Variants in SLC26A8 observed in about 807,000 individuals in gnomAD.
SLC26A8 encodes the protein testis anion transporter 1.
In SLC26A8, 70 loss-of-function variants were observed where a neutral mutation model predicts 105.0. That is an observed-to-expected ratio of 0.67 (90% confidence interval 0.55 to 0.81). SLC26A8 has a LOEUF of 0.81. Ranked by LOEUF, SLC26A8 falls within the 40% of genes least tolerant of loss-of-function variation. SLC26A8 has a pLI of 0.00. For missense variants in SLC26A8, 998 were observed against 1,181.8 expected (o/e 0.84, Z 2.28); for synonymous variants, 415 against 438.3 (o/e 0.95, Z 0.66).
intron 10 of SLC26A8, among the ~76,000 whole-genome samples, chr6:35,973,674 C>A (rs148708644): frequency 3.3e-5 from 5 of 152,258 alleles, no homozygotes; most frequent in African/African-American, 1.2e-4. Flanking sequence ...CTGCTCTATA[C>A]CCAGGCTCTC....
intron 3 of SLC26A8, among the ~76,000 whole-genome samples, chr6:36,007,292 A>T (rs1294958972): frequency 6.6e-6 from 1 of 152,198 alleles, no homozygotes; most frequent in East Asian, 1.9e-4. Context: ...TACAAGAAAA[A>T]CACACAAATA....
At position 35,962,619 on chromosome 6, in the gene SLC26A8, A is replaced by G. The variant is rs940947255; in HGVS notation, c.1368T>C (p.Ala456=). The change falls in exon 12 of 20, where the codon GCT becomes GCC. Residue 456 remains alanine, a splice_region_variant and synonymous_variant. Transcript: ENST00000490799. ...TGCTCAGAATAATACCAGCCAGCAC[A>G]GCCTGTGGGGAAAAGATAAATCATG... is the stretch of plus-strand genomic sequence containing the variant. ...MGHFFYTLPN[A]VLAGIILSNV... 1 of 1,614,054 alleles carries G rather than the reference A, an allele frequency of 6.2e-7. No homozygotes were observed. The highest frequency in any genetic ancestry group is 8.5e-7 in the Non-Finnish European group (1 of 1,179,944).
rs12662766 is a variant in SLC26A8 at position 35,965,516 on chromosome 6, C to T, written c.1366-2895G>A. ...CCAACATGGAGAAACCCCGTCTCTACTAAAAATACAAAAAAGTTAGCCGGG... is the reference window on the plus strand; with the variant it reads ...CCAACATGGAGAAACCCCGTCTCTATTAAAAATACAAAAAAGTTAGCCGGG... On this transcript the variant is annotated intron_variant, in intron 11 of 19. Coordinates refer to ENST00000490799, the MANE Select transcript of SLC26A8 (RefSeq NM_052961.4). Among the ~76,000 whole-genome samples, 470 of 151,646 alleles carry T rather than the reference C, an allele frequency of 3.1e-3. 2 individuals are homozygous for T. The highest frequency in any genetic ancestry group is 0.02 in the Middle Eastern group (6 of 294).
intron 8 of SLC26A8, among the ~76,000 whole-genome samples, chr6:35,978,320 A>G (rs1773126144): frequency 1.3e-5 from 2 of 152,058 alleles, no homozygotes; most frequent in African/African-American, 4.8e-5. Context: ...ATATCAACAG[A>G]CTATAGAAGG....
chr6:35,989,935 T>TCC (rs1773693945), intron 7 of SLC26A8: 1 of 108,276 alleles, frequency 9.2e-6, no homozygotes, highest in Non-Finnish European at 1.8e-5. Context: ...TTCTTTTTTT[T>TCC]TTTTTTTTTT....
chr6:35,959,500 C>G lies in SLC26A8; in HGVS notation c.1823G>C (p.Arg608Thr). The change falls in exon 16 of 20, where the codon AGG becomes ACG. Residue 608 changes from arginine (R) to threonine (T), a missense_variant. Coordinates refer to ENST00000490799, the MANE Select transcript of SLC26A8 (RefSeq NM_052961.4). ...CAGATCATCACAGTTGCAGAAACAC[C>G]TGCAAATCTTTCCTCCTTGTAGATT... ...DTNLQGGKIC[R>T]CFCNCDDLEP... 1 of 1,613,826 alleles carries G rather than the reference C, an allele frequency of 6.2e-7. No individual in the cohort carries two copies. Among genetic ancestry groups the G allele is most frequent in the African/African-American group, 1.3e-5 (1 of 75,012 alleles).
At chr6:35,972,711 G>A (rs1411500553) in intron 10 of SLC26A8, among the ~76,000 whole-genome samples, 1 of 152,218 alleles carries the variant, frequency 6.6e-6, no homozygotes, top group African/African-American at 2.4e-5. Flanking sequence ...AGATGAACAA[G>A]GTGGCAGCGG....
At chr6:36,024,428 C>T (rs1054285703) in intron 1 of SLC26A8, 76 bp downstream of exon 1, 4 of 450,536 alleles carry the variant, frequency 8.9e-6, no homozygotes, top group Non-Finnish European at 1.8e-5. Context: ...ACCTGGGTAC[C>T]TGCCGGTGAC....
chr6:35,958,085 T>C (rs1772157810), intron 16 of SLC26A8, among the ~76,000 whole-genome samples: 1 of 152,344 alleles, frequency 6.6e-6, no homozygotes, highest in South Asian at 2.1e-4. Context: ...AATCCTCTTT[T>C]TTCCTACCCA....
At chr6:35,977,630 C>T (rs1019485296) in intron 8 of SLC26A8, among the ~76,000 whole-genome samples, 10 of 151,856 alleles carry the variant, frequency 6.6e-5, no homozygotes, top group Admixed American at 1.3e-4. Flanking sequence ...TAACGATTCA[C>T]GAAAAATGGT....
chr6:35,958,793 G>A (rs1772196399), intron 16 of SLC26A8, among the ~76,000 whole-genome samples: 2 of 152,136 alleles, frequency 1.3e-5, no homozygotes, highest in African/African-American at 4.8e-5. Flanking sequence ...GAGTGCTGTA[G>A]ACTAGGTGAT....
chr6:36,018,471 A>G (rs1471896786), intron 2 of SLC26A8, among the ~76,000 whole-genome samples: 1 of 152,200 alleles, frequency 6.6e-6, no homozygotes, highest in Non-Finnish European at 1.5e-5. Context: ...GCAAATTCAT[A>G]GAGACAGAAA....
intron 19 of SLC26A8, among the ~76,000 whole-genome samples, 196 bp from the exon 20 acceptor site, chr6:35,944,536 TATAATA>T (rs938820481): frequency 6.8e-6 from 1 of 147,756 alleles, no homozygotes; most frequent in Non-Finnish European, 1.5e-5. Flanking sequence ...ATAATTATTA[TATAATA>T]ATAATAATTA....
At chr6:35,985,284 G>C (rs1773452000) in intron 7 of SLC26A8, among the ~76,000 whole-genome samples, 1 of 152,092 alleles carries the variant, frequency 6.6e-6, no homozygotes, top group Admixed American at 6.5e-5. Context: ...GCTATGTCAT[G>C]GGGGCTTCCT....
chr6:35,995,870 G>A (rs1407005269), intron 5 of SLC26A8, among the ~76,000 whole-genome samples: 3 of 151,954 alleles, frequency 2.0e-5, no homozygotes, highest in Admixed American at 2.0e-4. Flanking sequence ...GCATGCATGA[G>A]GCCCCTTGAT....
At chr6:35,965,236 A>G (rs1288507677) in intron 11 of SLC26A8, among the ~76,000 whole-genome samples, 1 of 152,172 alleles carries the variant, frequency 6.6e-6, no homozygotes, top group Admixed American at 6.6e-5. Flanking sequence ...TCTATTTTGC[A>G]TTTTCTAAAG....
intron 9 of SLC26A8, among the ~76,000 whole-genome samples, chr6:35,976,610 G>C (rs1441081023): frequency 6.8e-6 from 1 of 146,182 alleles, no homozygotes; most frequent in East Asian, 2.0e-4. Flanking sequence ...GCGCGGTCTC[G>C]GCTCGCTGCA....
rs567767803 is a variant in SLC26A8 at position 36,013,616 on chromosome 6, A to C, written c.189-1244T>G. Among the ~76,000 whole-genome samples, 12 of 152,364 alleles carry C rather than the reference A, an allele frequency of 7.9e-5. No individual in the cohort carries two copies. The South Asian group carries it at 2.5e-3, about 32-fold the overall frequency. On this transcript the variant is annotated intron_variant, in intron 2 of 19. Transcript: ENST00000490799. The stretch of plus-strand genomic sequence containing the variant: ...TGCTGAGATTGAGAAAACCTGCTTT[A>C]ACTTTTAGATCATCTAAAACAACAG...
At chr6:35,997,975 T>A in intron 4 of SLC26A8, 56 bp from the exon 5 acceptor site, 8 of 1,513,254 alleles carry the variant, frequency 5.3e-6, no homozygotes, top group Non-Finnish European at 7.3e-6. Flanking sequence ...TAAACTGATA[T>A]TGACAAAAGC....
Sources: allele counts gnomAD v4.1 joint callset (sites outside exome capture counted in the v4.1 genomes callset), GRCh38; gene constraint gnomAD v4.1.1; transcripts MANE v1.5; gene names NCBI Gene and HGNC (gene_info 2026-07-23, HGNC 2026-07-21).